KMT2D: variants seen among roughly 807,000 people sequenced by gnomAD.
KMT2D encodes lysine methyltransferase 2D.
A neutral mutation model predicts 512.7 loss-of-function variants in KMT2D; 55 were observed. That is an observed-to-expected ratio of 0.11 (90% confidence interval 0.09 to 0.13). KMT2D has a LOEUF of 0.13. KMT2D is among the 10% of genes least tolerant of loss of function. The pLI is 1.00. For missense variants in KMT2D, 6,061 were observed against 7,127.9 expected, an observed-to-expected ratio of 0.85 and a Z score of 5.39; for synonymous variants, 2,995 against 2,904.0, an observed-to-expected ratio of 1.03 and a Z score of -1.01.
Position 49,050,451 on chromosome 12 carries a change from G to A in KMT2D, c.3137C>T (p.Ala1046Val), listed in dbSNP as rs2120650862. The A allele has an allele frequency of 6.2e-7, 1 of 1,613,970 alleles. No homozygotes were observed. The highest frequency in any genetic ancestry group is 1.1e-5 in the South Asian group (1 of 91,084). ...CGGGGAGGGAACGGACAGTGGTAGG[G>A]CAGGAGGAGAGCACTGGGAAGGAGG... ...NSPPSQCSPP[A>V]LPLSVPSPLS... Residue 1046 changes from alanine (A) to valine (V), a missense_variant, in exon 12 of 55, where the codon GCC (alanine) becomes GTC (valine). Ala to Val is a moderately conservative substitution (Grantham distance 64, BLOSUM62 0). Transcript: ENST00000301067.
intron 54 of KMT2D, 33 bp from the exon 55 acceptor site, chr12:49,021,905 T>TC: frequency 6.3e-7 from 1 of 1,590,162 alleles, no homozygotes; most frequent in South Asian, 1.1e-5. Flanking sequence ...TCAATGCTAG[T>TC]CCCCCACAGG....
In KMT2D at chr12:49,049,121, G is replaced by C. The variant is rs1195621024; in HGVS notation, c.4004C>G (p.Ser1335Cys). ...TCTCCTTACTACCAGAGTCTCAATG[G>C]AAGAAGCAGTTGACTTTAGCCGGGC... ...GRARLKSTAS[S>C]IETLVVADID... The change falls in exon 13 of 55, where the codon TCC becomes TGC. Residue 1335 changes from serine to cysteine, a missense_variant. By Grantham distance (112) the Ser-to-Cys change is moderately radical. Around this residue, in one of 16 missense-constraint regions of KMT2D, gnomAD observed 447 missense variants for 500.1 expected, o/e 0.89. Coordinates refer to ENST00000301067, the MANE Select transcript of KMT2D (RefSeq NM_003482.4). 7 of 1,608,194 alleles carry C rather than the reference G, an allele frequency of 4.4e-6. No homozygotes were observed. The highest frequency in any genetic ancestry group is 6.0e-6 in the Non-Finnish European group (7 of 1,175,748).
Position 49,051,233 on chromosome 12 carries a change from G to A in KMT2D, c.2450C>T (p.Pro817Leu), listed in dbSNP as rs1431964155. 2.6e-6 allele frequency: 4 copies of A among 1,529,030 alleles called. No homozygotes were observed. Among genetic ancestry groups the A allele is most frequent in the Non-Finnish European group, 3.5e-6 (4 of 1,136,170 alleles). The allele number at this position is 1,529,030 out of a possible 1,614,324, so 94.7% of individuals were successfully genotyped here. A position where few individuals can be genotyped will look rare whatever the true frequency, so the allele number is the denominator to read the frequency against. The change falls in exon 11 of 55, where the codon CCT (proline) becomes CTT (leucine). Residue 817 changes from proline (P) to leucine (L), a missense_variant. By Grantham distance (98) the Pro-to-Leu change is moderately conservative. This residue lies in a region of KMT2D where 848 missense variants were observed against 838.5 expected (regional missense o/e 1.01). Coordinates refer to ENST00000301067, the MANE Select transcript of KMT2D (RefSeq NM_003482.4). ...GGACAAGCATGGCTCCTCAGGCACAGGAGACAGGTGCGGCTCCTCAGTCTG... is the reference window on the plus strand; with the variant it reads ...GGACAAGCATGGCTCCTCAGGCACAAGAGACAGGTGCGGCTCCTCAGTCTG... ...SPQTEEPHLS[P>L]VPEEPCLSPQ...
In KMT2D at chr12:49,050,910, A is replaced by G. The variant is rs1432046632; in HGVS notation, c.2773T>C (p.Leu925=). 1 of 1,535,686 alleles carries G rather than the reference A, an allele frequency of 6.5e-7. No homozygotes were observed. Among genetic ancestry groups the G allele is most frequent in the Non-Finnish European group, 8.8e-7 (1 of 1,140,120 alleles). The part of the protein sequence containing the change: ...LPLSPSGEPS[L]SPQLMPPDPL... ...CCTGGTGGCATCAGCTGAGGCGACA[A>G]GGATGGCTCCCCAGATGGGGACAAC... Residue 925 remains leucine, a synonymous_variant, in exon 11 of 55, where the codon TTG becomes CTG. Transcript: ENST00000301067.
intron 10 of KMT2D, 33 bp from the exon 11 acceptor site, chr12:49,052,457 G>T (rs777342213): frequency 8.1e-5 from 126 of 1,546,146 alleles, no homozygotes; most frequent in Non-Finnish European, 1.1e-4. Flanking sequence ...CTCCTATCTA[G>T]CTCAGATCTA....
rs1381947056 is a variant in KMT2D, at chr12:49,038,495, C to T, written c.8861G>A (p.Gly2954Asp). 1.2e-6 allele frequency: 2 copies of T among 1,606,326 alleles called. No individual in the cohort carries two copies. Among genetic ancestry groups the T allele is most frequent in the East Asian group, 2.2e-5 (1 of 44,740 alleles). Residue 2954 changes from glycine to aspartate, a missense_variant, in exon 35 of 55, where the codon GGT becomes GAT. By Grantham distance (94) the Gly-to-Asp change is moderately conservative. Around this residue, in one of 16 missense-constraint regions of KMT2D, gnomAD observed 527 missense variants for 578.9 expected, o/e 0.91. Transcript: ENST00000301067. This position sits in a 1 kb window ranked among gnomAD's most constrained non-coding sequence, Gnocchi z 5.7. ...NSLHPTPHTKGPTLPTGLELV... is the reference protein window; with the variant it reads ...NSLHPTPHTKDPTLPTGLELV... The stretch of plus-strand genomic sequence containing the variant: ...CTCCAAACCAGTTGGCAGGGTAGGA[C>T]CCTTGGTGTGGGGTGTTGGATGAAG...
At chr12:49,034,691 A>T in intron 36 of KMT2D, 25 bp from the exon 37 acceptor site, 1 of 1,610,224 alleles carries the variant, frequency 6.2e-7, no homozygotes, top group Non-Finnish European at 8.5e-7. Context: ...AGCACAGAAG[A>T]TAAGTGTTGG....
At position 49,028,946 on chromosome 12, in the gene KMT2D, G is replaced by A. The variant is rs185009821; in HGVS notation, c.14264C>T (p.Thr4755Ile). Residue 4755 changes from threonine to isoleucine, a missense_variant, in exon 46 of 55, where the codon ACC (threonine) becomes ATC (isoleucine). By Grantham distance (89) the Thr-to-Ile change is moderately conservative. Around this residue, in one of 16 missense-constraint regions of KMT2D, gnomAD observed 1,600 missense variants for 1,754.9 expected, o/e 0.91. Coordinates refer to ENST00000301067, the MANE Select transcript of KMT2D (RefSeq NM_003482.4). ...CAGGCCAAGGGCCCCATAAGGTTTGGTATCTGGGAAGACTGAATGAGAAAG... is the reference window on the plus strand; with the variant it reads ...CAGGCCAAGGGCCCCATAAGGTTTGATATCTGGGAAGACTGAATGAGAAAG... ...PRASIPVFPD[T>I]KPYGALGLEV... The A allele has an allele frequency of 6.2e-7, 1 of 1,613,896 alleles. No homozygotes were observed. Among genetic ancestry groups the A allele is most frequent in the Non-Finnish European group, 8.5e-7 (1 of 1,179,838 alleles).
intron 12 of KMT2D, 113 bp downstream of exon 12, chr12:49,049,556 AACTGGAATAAAGG>A: frequency 5.7e-6 from 6 of 1,061,370 alleles, no homozygotes; most frequent in Non-Finnish European, 7.8e-6. Context: ...TCTCCTTAAT[AACTGGAATAAAGG>A]ATCTCCAAGT....
rs751687266 is a variant in KMT2D, at chr12:49,030,392, G to T, written c.13887C>A (p.Thr4629=). The part of the protein sequence containing the change: ...PPTPPSSLPP[T]PPPSVQQKMV... The stretch of plus-strand genomic sequence containing the variant: ...TCTTCTGCTGCACCGATGGGGGTGG[G>T]GTGGGGGGCAGCGACGAGGGTGGTG... Residue 4629 remains threonine, a synonymous_variant, in exon 43 of 55, where the codon ACC becomes ACA. Coordinates refer to ENST00000301067, the MANE Select transcript of KMT2D (RefSeq NM_003482.4). The T allele has an allele frequency of 1.3e-6, 2 of 1,587,788 alleles. No individual in the cohort carries two copies. Among genetic ancestry groups the T allele is most frequent in the Non-Finnish European group, 1.7e-6 (2 of 1,164,796 alleles).
In KMT2D at chr12:49,044,196, T is replaced by C. The variant is rs2120579508; in HGVS notation, c.5188+4A>G. The stretch of plus-strand genomic sequence containing the variant: ...GGCCCCACTGGTGCCCTCACCCGTC[T>C]CACCCTCGTCGGGCTGCCCATCCCC... On this transcript the variant is annotated splice_donor_region_variant and intron_variant, in intron 22 of 54. Coordinates refer to ENST00000301067, the MANE Select transcript of KMT2D (RefSeq NM_003482.4). This position sits in a 1 kb window ranked among gnomAD's most constrained non-coding sequence, Gnocchi z 6.4. The C allele has an allele frequency of 6.2e-7, 1 of 1,610,946 alleles. No homozygotes were observed. Among genetic ancestry groups the C allele is most frequent in the South Asian group, 1.1e-5 (1 of 90,922 alleles).
rs886049483 is a variant in KMT2D at position 49,046,272 on chromosome 12, C to A, written c.4571G>T (p.Arg1524Leu). ...YVEEDLLIQC[R>L]HCERWMHAGC... ...GGGATGTTCTCACCGTTCACAGTGGCGGCACTGGATTAGTAGGTCCTCTTC... is the reference window on the plus strand; with the variant it reads ...GGGATGTTCTCACCGTTCACAGTGGAGGCACTGGATTAGTAGGTCCTCTTC... Residue 1524 changes from arginine (R) to leucine (L), a missense_variant, in exon 17 of 55, where the codon CGC becomes CTC. Physicochemically the swap from Arg to Leu is moderately radical, Grantham distance 102. This residue lies in a region of KMT2D where 640 missense variants were observed against 814.3 expected (regional missense o/e 0.79). Transcript: ENST00000301067. The surrounding 1 kb of genome is among the most constrained non-coding windows in gnomAD (Gnocchi z 4.2). 1.2e-5 allele frequency: 19 copies of A among 1,613,910 alleles called. No individual in the cohort carries two copies. Among genetic ancestry groups the A allele is most frequent in the Non-Finnish European group, 1.6e-5 (19 of 1,179,878 alleles).
rs1215814167 is a variant in KMT2D at position 49,044,638 on chromosome 12, G to T, written c.4963+106C>A. ...GCCTCAGAGCCACTTAGACGAGACA[G>T]CAGTGCTTAAGGGTAACTGAGTGGC... On this transcript the variant is annotated intron_variant, in intron 20 of 54. Transcript: ENST00000301067. This position sits in a 1 kb window ranked among gnomAD's most constrained non-coding sequence, Gnocchi z 6.4. 7 of 1,548,748 alleles carry T rather than the reference G, an allele frequency of 4.5e-6. No homozygotes were observed. The highest frequency in any genetic ancestry group is 6.2e-6 in the Non-Finnish European group (7 of 1,137,388).
chr12:49,037,951 G>A lies in KMT2D; in HGVS notation c.9405C>T (p.Thr3135=), dbSNP rs376141976. 3.5e-5 allele frequency: 56 copies of A among 1,603,990 alleles called. No individual in the cohort carries two copies. The African/African-American group carries it at 6.8e-4, about 20-fold the overall frequency. The change falls in exon 35 of 55, where the codon ACC becomes ACT. Residue 3135 remains threonine, a synonymous_variant. Transcript: ENST00000301067. The part of the protein sequence containing the change: ...GGRHPSPCQF[T]IATPKVEPAP... ...CGGGCTCTACCTTGGGGGTAGCAAT[G>A]GTGAATTGGCAAGGAGAAGGGTGGC...
chr12:49,060,386 C>T lies in KMT2D; in HGVS notation c.-811G>A, dbSNP rs1329506323. ...GCGCTCGCCTCCCTTCCCCTCTGGC[C>T]TCGGGAGCTGCCCCGCCCCCGGCCT... On this transcript the variant is annotated 5_prime_UTR_variant, in exon 1 of 55. Coordinates refer to ENST00000301067, the MANE Select transcript of KMT2D (RefSeq NM_003482.4). Among the ~76,000 whole-genome samples, 2 of 151,918 alleles carry T rather than the reference C, an allele frequency of 1.3e-5. No homozygotes were observed. Among genetic ancestry groups the T allele is most frequent in the Admixed American group, 1.3e-4 (2 of 15,276 alleles).
chr12:49,026,131 G>A lies in KMT2D; in HGVS notation c.15784+51C>T, dbSNP rs2137714403. On this transcript the variant is annotated intron_variant, in intron 49 of 54. Coordinates refer to ENST00000301067, the MANE Select transcript of KMT2D (RefSeq NM_003482.4). This position sits in a 1 kb window ranked among gnomAD's most constrained non-coding sequence, Gnocchi z 9.6. The stretch of plus-strand genomic sequence containing the variant: ...TATAGACATTGTAACAGTGACCCTG[G>A]GAGAAACTTTTCCCATTCCATATTA... 1.0e-5 allele frequency: 15 copies of A among 1,494,876 alleles called. No homozygotes were observed. The highest frequency in any genetic ancestry group is 1.3e-5 in the Non-Finnish European group (15 of 1,111,260). 92.6% of individuals were successfully genotyped at this position (1,494,876 alleles called of 1,614,324 possible).
rs954284840 is a variant in KMT2D, at chr12:49,024,160, T to C, written c.16052+418A>G. 1.8e-5 allele frequency: 8 copies of C among 448,334 alleles called. No homozygotes were observed. Among genetic ancestry groups the C allele is most frequent in the Non-Finnish European group, 3.1e-5 (7 of 226,988 alleles). The allele number at this position is 448,334 out of a possible 1,614,324, so 27.8% of individuals were successfully genotyped here. ...GTAAGGTTTTATTATTTTTCTATTATATCTCTAACTATTTATTTTTGACAC... is the reference window on the plus strand; with the variant it reads ...GTAAGGTTTTATTATTTTTCTATTACATCTCTAACTATTTATTTTTGACAC... On this transcript the variant is annotated intron_variant, in intron 51 of 54. Transcript: ENST00000301067. The surrounding 1 kb of genome is among the most constrained non-coding windows in gnomAD (Gnocchi z 4.5).
rs1216635160 is a variant in KMT2D at position 49,046,078 on chromosome 12, C to T, written c.4680G>A (p.Val1560=). 1 of 1,611,650 alleles carries T rather than the reference C, an allele frequency of 6.2e-7. No homozygotes were observed. Among genetic ancestry groups the T allele is most frequent in the South Asian group, 1.1e-5 (1 of 90,668 alleles). Residue 1560 remains valine (V), a synonymous_variant, in exon 18 of 55, where the codon GTG becomes GTA. Coordinates refer to ENST00000301067, the MANE Select transcript of KMT2D (RefSeq NM_003482.4). The surrounding 1 kb of genome is among the most constrained non-coding windows in gnomAD (Gnocchi z 4.2). ...GCTGGTACTCACCCACAGGCTTTAC[C>T]ACGTAGGGCTGGCAGGAGACACAGT... ...GFDCVSCQPY[V]VKPVAPVAPP...
chr12:49,029,290 A>C (rs557228534), intron 44 of KMT2D, 54 bp from the exon 45 acceptor site: 2 of 1,597,514 alleles, frequency 1.3e-6, no homozygotes, highest in African/African-American at 1.3e-5. Flanking sequence ...TCCCCTCCCA[A>C]ATCTAGAGAT....
Sources: allele counts gnomAD v4.1 joint callset (sites outside exome capture counted in the v4.1 genomes callset), GRCh38; gene constraint gnomAD v4.1.1; regional missense constraint gnomAD v4.1.1; non-coding constraint Gnocchi (gnomAD v3.1); transcripts MANE v1.5; gene names NCBI Gene and HGNC (gene_info 2026-07-23, HGNC 2026-07-21).